SHANK2: variants seen among roughly 807,000 people sequenced by gnomAD.
SHANK2 encodes the protein SH3 and multiple ankyrin repeat domains 2, also known as SH3 and multiple ankyrin repeat domains protein 2.
A neutral mutation model predicts 133.7 loss-of-function variants in SHANK2; 43 were observed. The ratio of observed to expected loss-of-function variants is 0.32; its 90% CI spans 0.25 to 0.41. The LOEUF is 0.41. Among genes scored for constraint, SHANK2 ranks in the 10% least tolerant of loss-of-function variants. The pLI is 1.00. For missense variants in SHANK2, 1,994 were observed against 2,235.8 expected (o/e 0.89, Z 2.18); for synonymous variants, 1,017 against 952.8 (o/e 1.07, Z -1.24).
chr11:70,481,150 A>C (rs1464431636), intron 25 of SHANK2, among the ~76,000 whole-genome samples: 1 of 152,210 alleles, frequency 6.6e-6, no homozygotes, highest in Non-Finnish European at 1.5e-5. Context: ...TGACGCCTCC[A>C]TTCTTGGCAG....
intron 12 of SHANK2, among the ~76,000 whole-genome samples, chr11:70,818,135 C>A (rs1555054853): frequency 1.3e-5 from 2 of 152,114 alleles, no homozygotes; most frequent in African/African-American, 4.8e-5. Context: ...ATGCAGGAGG[C>A]CAGGCAATGA....
At chr11:70,786,003 C>T (rs7110683) in intron 14 of SHANK2, among the ~76,000 whole-genome samples, 1,965 of 152,150 alleles carry the variant, frequency 0.013, 41 homozygotes, top group African/African-American at 0.044. Context: ...CAGATGGGCC[C>T]GGGACCAGAC....
At chr11:71,222,379 C>T (rs1591035146) in intron 2 of SHANK2, among the ~76,000 whole-genome samples, 1 of 152,204 alleles carries the variant, frequency 6.6e-6, no homozygotes, top group East Asian at 1.9e-4. Context: ...TGGAAGCAAG[C>T]GCTCCCCATC....
At chr11:70,826,594 G>C (rs1948644382) in intron 11 of SHANK2, 1 of 465,666 alleles carries the variant, frequency 2.1e-6, no homozygotes, top group African/African-American at 2.0e-5. Context: ...CTCGGTGCTA[G>C]AGCAGCTGGG....
intron 12 of SHANK2, among the ~76,000 whole-genome samples, chr11:70,816,764 G>C (rs1288993552): frequency 1.3e-5 from 2 of 152,178 alleles, no homozygotes; most frequent in African/African-American, 4.8e-5. Flanking sequence ...GGCCGAATGA[G>C]CGTTTCCCTA....
At chr11:71,066,686 G>A (rs1204167199) in intron 9 of SHANK2, among the ~76,000 whole-genome samples, 1 of 152,152 alleles carries the variant, frequency 6.6e-6, no homozygotes, top group African/African-American at 2.4e-5. Context: ...TTGTTTTCAG[G>A]TTAAGCTATC....
intron 14 of SHANK2, among the ~76,000 whole-genome samples, chr11:70,734,521 C>T (rs1301959303): frequency 6.6e-6 from 1 of 152,194 alleles, no homozygotes; most frequent in African/African-American, 2.4e-5. Flanking sequence ...AGTCCAGGAG[C>T]CCAGCGGACA....
chr11:71,235,741 C>A (rs1954818977), intron 1 of SHANK2, among the ~76,000 whole-genome samples: 1 of 152,150 alleles, frequency 6.6e-6, no homozygotes, highest in African/African-American at 2.4e-5. Context: ...AAAAGGCCAC[C>A]ATGTACAGGC....
intron 17 of SHANK2, among the ~76,000 whole-genome samples, chr11:70,623,659 C>T (rs1354082160): frequency 5.3e-5 from 8 of 152,218 alleles, no homozygotes; most frequent in African/African-American, 1.7e-4. Flanking sequence ...GCCCCAGCCA[C>T]CCGCGGCTGC....
intron 17 of SHANK2, among the ~76,000 whole-genome samples, chr11:70,633,122 T>TA (rs1555002818): frequency 2.0e-5 from 3 of 151,410 alleles, no homozygotes; most frequent in African/African-American, 7.3e-5. Context: ...GTTGAATATA[T>TA]AAATACGTTA....
At chr11:71,164,368 G>A (rs1472160716) in intron 2 of SHANK2, among the ~76,000 whole-genome samples, 2 of 152,180 alleles carry the variant, frequency 1.3e-5, no homozygotes, top group African/African-American at 4.8e-5. Flanking sequence ...CAGCAACCTA[G>A]GCCACTGCAG....
At chr11:70,799,334 G>A (rs1439836513) in intron 13 of SHANK2, among the ~76,000 whole-genome samples, 1 of 152,096 alleles carries the variant, frequency 6.6e-6, no homozygotes, top group Non-Finnish European at 1.5e-5. Flanking sequence ...CCCGGAAGAT[G>A]GAAGTTGCAG....
intron 21 of SHANK2, among the ~76,000 whole-genome samples, chr11:70,494,097 A>T (rs1237045427): frequency 3.3e-5 from 5 of 152,096 alleles, no homozygotes; most frequent in African/African-American, 1.2e-4. Flanking sequence ...CACAAGAGGA[A>T]GTTTGGGGAG....
chr11:70,675,891 G>A (rs1944897264), intron 15 of SHANK2, among the ~76,000 whole-genome samples: 1 of 152,188 alleles, frequency 6.6e-6, no homozygotes, highest in Non-Finnish European at 1.5e-5. Context: ...AACGTTTACA[G>A]TTCACACCCC....
chr11:71,157,794 G>A lies in SHANK2; in HGVS notation c.-12-10456C>T, dbSNP rs558906031. 1.7e-4 allele frequency among the ~76,000 whole-genome samples: 26 copies of A among 152,260 alleles called. No homozygotes were observed. In the South Asian group the frequency reaches 3.7e-3, roughly 22 times the overall value. On this transcript the variant is annotated intron_variant, in intron 2 of 25. Coordinates refer to ENST00000601538, the MANE Select transcript of SHANK2 (RefSeq NM_012309.5). ...GGCCTACCCATCTCACAGTTCTGCC[G>A]AAACCATTCACCGTGACCAGGAAGG...
intron 11 of SHANK2, among the ~76,000 whole-genome samples, chr11:70,829,351 G>A (rs541086358): frequency 6.6e-6 from 1 of 152,262 alleles, no homozygotes; most frequent in South Asian, 2.1e-4. Context: ...GTGTGCAGCA[G>A]CTGCTCCTGG....
chr11:71,064,812 G>A (rs1462483638), intron 9 of SHANK2, among the ~76,000 whole-genome samples: 5 of 152,134 alleles, frequency 3.3e-5, no homozygotes. Context: ...GTTATTTACA[G>A]AGTGGGGAGC....
intron 6 of SHANK2, among the ~76,000 whole-genome samples, chr11:71,109,312 GGGTGATGTCTGGAGACACTGTT>G (rs1951851981): frequency 6.6e-6 from 1 of 152,186 alleles, no homozygotes; most frequent in Non-Finnish European, 1.5e-5. Context: ...CAGGGACAGT[GGGTGATGTCTGGAGACACTGTT>G]GGTTGTCACA....
chr11:70,659,258 T>C (rs2061449793), intron 17 of SHANK2, among the ~76,000 whole-genome samples: 1 of 152,192 alleles, frequency 6.6e-6, no homozygotes, highest in Admixed American at 6.5e-5. Context: ...TTTCAAAGCA[T>C]CTGAATTCCT....
Sources: allele counts gnomAD v4.1 joint callset (sites outside exome capture counted in the v4.1 genomes callset), GRCh38; gene constraint gnomAD v4.1.1; transcripts MANE v1.5; gene names NCBI Gene and HGNC (gene_info 2026-07-23, HGNC 2026-07-21).